The following SRGAP3 variants were observed in gnomAD, a reference collection of about 807,000 sequenced individuals.
SRGAP3 encodes SLIT-ROBO Rho GTPase activating protein 3.
Under a neutral mutation model 121.1 loss-of-function variants are expected in SRGAP3, and 39 were observed. That is an observed-to-expected ratio of 0.32 (90% CI 0.25 to 0.42). The LOEUF (loss-of-function observed/expected upper bound fraction) is 0.42. Ranked by LOEUF, SRGAP3 falls within the 10% of genes least tolerant of loss-of-function variation. SRGAP3 has a pLI of 1.00. For synonymous variants in SRGAP3, 601 were observed against 570.0 expected (o/e 1.05, Z -0.77); for missense variants, 1,213 against 1,470.6 (o/e 0.82, Z 2.86).
chr3:9,011,253 C>T (rs1244382392), intron 17 of SRGAP3, among the ~76,000 whole-genome samples: 1 of 152,102 alleles, frequency 6.6e-6, no homozygotes, highest in Non-Finnish European at 1.5e-5. Context: ...AATAAATGGG[C>T]AGAGACAAGA....
At chr3:9,235,967 A>AATACGACTCTCATCC (rs1254772099) in intron 1 of SRGAP3, 1 of 156,232 alleles carries the variant, frequency 6.4e-6, no homozygotes, top group African/African-American at 2.4e-5. Flanking sequence ...ACAACAAATA[A>AATACGACTCTCATCC]ATACGACTCT....
chr3:9,268,949 TGAA>T (rs1402845981), intron 3 of SRGAP3, among the ~76,000 whole-genome samples: 2 of 152,152 alleles, frequency 1.3e-5, no homozygotes, highest in Admixed American at 6.5e-5. Flanking sequence ...CTGTCCACTG[TGAA>T]GAAGAACAAA....
intron 3 of SRGAP3, among the ~76,000 whole-genome samples, chr3:9,270,640 T>C (rs1219074418): frequency 6.6e-6 from 1 of 152,198 alleles, no homozygotes; most frequent in Admixed American, 6.5e-5. Context: ...ACAAATATTA[T>C]ATACACACAT....
At chr3:9,281,964 C>T (rs1271555331) in intron 3 of SRGAP3, among the ~76,000 whole-genome samples, 3 of 152,202 alleles carry the variant, frequency 2.0e-5, no homozygotes, top group Non-Finnish European at 4.4e-5. Flanking sequence ...CTGTGCTCAA[C>T]CTGATAATGT....
chr3:9,053,258 T>A (rs752057494), intron 8 of SRGAP3, 34 bp from the exon 9 acceptor site: 1 of 1,600,296 alleles, frequency 6.2e-7, no homozygotes, highest in Admixed American at 1.7e-5. Flanking sequence ...AAAAATCCTG[T>A]ATTCTCATAC....
intron 1 of SRGAP3, among the ~76,000 whole-genome samples, chr3:9,195,124 G>T (rs1346227293): frequency 6.6e-6 from 1 of 152,220 alleles, no homozygotes; most frequent in Non-Finnish European, 1.5e-5. Context: ...GTTGTGGAGA[G>T]ATGCACATAG....
chr3:9,258,622 GA>G (rs2125254876), intron 3 of SRGAP3, among the ~76,000 whole-genome samples: 1 of 152,324 alleles, frequency 6.6e-6, no homozygotes, highest in South Asian at 2.1e-4. Context: ...CCATCATACT[GA>G]AAATACTGGC....
intron 14 of SRGAP3, among the ~76,000 whole-genome samples, chr3:9,020,057 G>A (rs7645208): frequency 2.0e-5 from 3 of 152,196 alleles, no homozygotes; most frequent in African/African-American, 7.2e-5. Context: ...GTCACTAAGG[G>A]AGACATGGTT....
chr3:9,073,545 T>C (rs1946821178), intron 4 of SRGAP3, among the ~76,000 whole-genome samples: 1 of 152,186 alleles, frequency 6.6e-6, no homozygotes, highest in South Asian at 2.1e-4. Flanking sequence ...GTTCTGCTGT[T>C]TCCCCTCTGG....
intron 1 of SRGAP3, among the ~76,000 whole-genome samples, chr3:9,211,948 T>G (rs990180505): frequency 2.0e-5 from 3 of 152,116 alleles, no homozygotes; most frequent in Non-Finnish European, 4.4e-5. Context: ...AGTGCTGAGA[T>G]TATAGGTGTG....
chr3:9,154,211 C>A (rs1481419241), intron 1 of SRGAP3, among the ~76,000 whole-genome samples: 2 of 152,210 alleles, frequency 1.3e-5, no homozygotes, highest in African/African-American at 4.8e-5. Flanking sequence ...ACCACACACT[C>A]TCCCAGATGT....
rs1948362886 is a variant in SRGAP3, at chr3:9,104,921, C to T, written c.261-79G>A. ...TGGTTTATGCTGTCACCCACTTCAG[C>T]TCTTTTAACCTCCACGGTGCCCCTT... On this transcript the variant is annotated intron_variant, in intron 2 of 21. Coordinates refer to ENST00000383836, the MANE Select transcript of SRGAP3 (RefSeq NM_014850.4). 7.1e-6 allele frequency: 11 copies of T among 1,559,344 alleles called. No homozygotes were observed. The South Asian group carries it at 1.0e-4, about 14-fold the overall frequency.
intron 2 of SRGAP3, among the ~76,000 whole-genome samples, chr3:9,117,745 G>A (rs1470142675): frequency 6.6e-6 from 1 of 152,184 alleles, no homozygotes; most frequent in African/African-American, 2.4e-5. Flanking sequence ...CACTACTACA[G>A]AGGGTAACCC....
At chr3:9,092,622 G>A (rs1947803275) in intron 3 of SRGAP3, among the ~76,000 whole-genome samples, 1 of 152,186 alleles carries the variant, frequency 6.6e-6, no homozygotes, top group Admixed American at 6.5e-5. Flanking sequence ...CACTGGGAAA[G>A]TTAGCTCTCT....
intron 6 of SRGAP3, chr3:9,059,568 A>G: frequency 6.3e-6 from 1 of 159,106 alleles, no homozygotes; most frequent in Non-Finnish European, 1.4e-5. Flanking sequence ...GGAGGACATG[A>G]GAGAAACAGT....
At chr3:9,113,458 A>C (rs2124942287) in intron 2 of SRGAP3, among the ~76,000 whole-genome samples, 2 of 152,278 alleles carry the variant, frequency 1.3e-5, no homozygotes, top group Middle Eastern at 3.4e-3. Flanking sequence ...CACACCAGTC[A>C]TGTCGGATTA....
chr3:9,010,344 G>A lies in SRGAP3; in HGVS notation c.2191C>T (p.His731Tyr). 6.2e-7 allele frequency: 1 copy of A among 1,614,084 alleles called. No homozygotes were observed. Among genetic ancestry groups the A allele is most frequent in the South Asian group, 1.1e-5 (1 of 91,076 alleles). ...GTATGAGGCTCAGTGCCATTGTCAT[G>A]GTCAACTTCATCGATGGCCCCTGGC... ...SEPGAIDEVD[H>Y]DNGTEPHTSD... The change falls in exon 18 of 22, where the codon CAT becomes TAT. Residue 731 changes from histidine (H) to tyrosine (Y), a missense_variant. By Grantham distance (83) the His-to-Tyr change is moderately conservative. Around this residue, in one of 2 missense-constraint regions of SRGAP3, gnomAD observed 793 missense variants for 1,032.9 expected, o/e 0.77. Transcript: ENST00000383836.
chr3:9,245,435 G>C (rs1287437720), intron 1 of SRGAP3, among the ~76,000 whole-genome samples: 1 of 152,182 alleles, frequency 6.6e-6, no homozygotes, highest in Non-Finnish European at 1.5e-5. Flanking sequence ...ACAGAGGAGA[G>C]TGGAGATGGT....
chr3:9,142,761 T>C (rs1018694997), intron 1 of SRGAP3, among the ~76,000 whole-genome samples: 1 of 151,302 alleles, frequency 6.6e-6, no homozygotes. Context: ...GAAAGCAAGG[T>C]AGTTGGATCG....
Sources: gnomAD v4.1 joint callset for allele counts (sites outside exome capture counted in the v4.1 genomes callset) on GRCh38, gnomAD v4.1.1 for gene constraint, gnomAD v4.1.1 regional missense constraint, MANE v1.5 for transcripts, NCBI Gene and HGNC (gene_info 2026-07-23, HGNC 2026-07-21) for gene names.